The following DMD variants were observed in gnomAD, a reference collection of about 807,000 sequenced individuals.
DMD encodes dystrophin.
Under a neutral mutation model 330.1 loss-of-function variants are expected in DMD, and 63 were observed. The observed-to-expected ratio is 0.19, with a 90% CI of 0.16 to 0.24. The LOEUF (loss-of-function observed/expected upper bound fraction) is 0.24, where lower values mean the gene tolerates loss of function less well. DMD is among the 10% of genes least tolerant of loss of function. The pLI is 1.00. For synonymous variants in DMD, 1,223 were observed against 959.8 expected (o/e 1.27, Z -5.07); for missense variants, 3,344 against 2,684.1 (o/e 1.25, Z -5.43).
intron 42 of DMD, among the ~76,000 whole-genome samples, chrX:32,302,103 T>C (rs1458568930): frequency 1.8e-5 from 2 of 111,448 alleles, no homozygotes; most frequent in African/African-American, 3.2e-5. Flanking sequence ...CCCCGTCTTA[T>C]AATGTTTCTA....
chrX:32,139,978 T>C (rs2096744784), intron 44 of DMD, among the ~76,000 whole-genome samples: 2 of 112,288 alleles, frequency 1.8e-5, no homozygotes, highest in Non-Finnish European at 3.8e-5. Context: ...TTTTAGTCTA[T>C]TTTCTTCACA....
rs529946844 is a variant in DMD, at chrX:32,416,206, A to G, written c.4072-4293T>C. Reference sequence around the variant, plus strand: ...AAAAAATCATTTAATAATATTTTACAAAAAACACATTCATTAAAGGAGCTA... The same window carrying G: ...AAAAAATCATTTAATAATATTTTACGAAAAACACATTCATTAAAGGAGCTA... On this transcript the variant is annotated intron_variant, in intron 29 of 78. Transcript: ENST00000357033. Among the ~76,000 whole-genome samples, 41 of 112,467 alleles carry G rather than the reference A, an allele frequency of 3.6e-4. No individual in the cohort carries two copies. The South Asian group carries it at 0.014, about 39-fold the overall frequency.
At chrX:31,322,747 G>GA (rs2056512440) in intron 62 of DMD, among the ~76,000 whole-genome samples, 1 of 112,034 alleles carries the variant, frequency 8.9e-6, no homozygotes, top group Non-Finnish European at 1.9e-5. Context: ...ATGGCAGGCG[G>GA]AAAAAAATGG....
chrX:32,632,966 G>A, intron 11 of DMD, among the ~76,000 whole-genome samples: 2 of 112,265 alleles, frequency 1.8e-5, no homozygotes. Flanking sequence ...TTGCTCAGAA[G>A]CCTTCTTGAG....
Position 32,252,653 on chromosome X carries a change from C to T in DMD, c.6290+34876G>A, listed in dbSNP as rs138316201. Among the ~76,000 whole-genome samples the T allele has an allele frequency of 4.6e-3, 107 of 23,014 alleles. 6 individuals carry two copies. The East Asian group carries it at 0.2, about 43-fold the overall frequency. The allele number at this position is 23,014 out of a possible 115,157, so 20.0% of individuals were successfully genotyped here. A position where few individuals can be genotyped will look rare whatever the true frequency, so the allele number is the denominator to read the frequency against. On this transcript the variant is annotated intron_variant, in intron 43 of 78. Transcript: ENST00000357033. ...GTGTATATATAAATATATATAAATA[C>T]AAATATATAAATATATATATATAAA...
intron 9 of DMD, among the ~76,000 whole-genome samples, chrX:32,677,272 G>A (rs1229768154): frequency 9.0e-6 from 1 of 111,129 alleles, no homozygotes; most frequent in African/African-American, 3.3e-5. Flanking sequence ...GTAAAAATAT[G>A]CCATGCAATT....
intron 7 of DMD, among the ~76,000 whole-genome samples, chrX:32,749,480 C>G (rs181349265): frequency 5.3e-4 from 60 of 112,356 alleles, no homozygotes; most frequent in African/African-American, 1.9e-3. Context: ...ATATGGTCAA[C>G]ATTCAATTGC....
chrX:32,163,562 G>C (rs1640617816), intron 44 of DMD, among the ~76,000 whole-genome samples: 2 of 112,018 alleles, frequency 1.8e-5, no homozygotes, highest in Non-Finnish European at 3.8e-5. Context: ...GAACTATTCA[G>C]TACCATGTAT....
intron 2 of DMD, among the ~76,000 whole-genome samples, chrX:32,856,438 G>T (rs2081565379): frequency 9.0e-6 from 1 of 111,481 alleles, no homozygotes; most frequent in Non-Finnish European, 1.9e-5. Flanking sequence ...AATGGATAAA[G>T]AAAATGTGGT....
intron 55 of DMD, among the ~76,000 whole-genome samples, chrX:31,626,202 C>CT (rs1038477685): frequency 8.9e-5 from 8 of 89,692 alleles, no homozygotes; most frequent in African/African-American, 3.5e-4. Flanking sequence ...CCAGGCTGGT[C>CT]TCGAACTCCT....
chrX:31,481,735 A>G (rs1349968057), intron 57 of DMD, among the ~76,000 whole-genome samples: 1 of 112,048 alleles, frequency 8.9e-6, no homozygotes, highest in Non-Finnish European at 1.9e-5. Context: ...TCAAACGGTT[A>G]TAGCTCAGGG....
At chrX:31,406,625 G>A (rs2061411303) in intron 60 of DMD, among the ~76,000 whole-genome samples, 2 of 110,908 alleles carry the variant, frequency 1.8e-5, no homozygotes, top group South Asian at 7.7e-4. Flanking sequence ...TTTGAGTTAT[G>A]TCATTTTCAT....
intron 64 of DMD, among the ~76,000 whole-genome samples, chrX:31,217,993 C>G (rs1327570013): frequency 8.9e-6 from 1 of 111,750 alleles, no homozygotes; most frequent in African/African-American, 3.3e-5. Flanking sequence ...ACCTTTATTA[C>G]AAGGTTATCA....
intron 44 of DMD, chrX:32,206,846 A>G (rs1168159626): frequency 3.0e-6 from 1 of 328,551 alleles, no homozygotes; most frequent in Middle Eastern, 9.7e-4. Flanking sequence ...CTTCCCTACC[A>G]TGTTTGATAA....
intron 62 of DMD, among the ~76,000 whole-genome samples, chrX:31,320,068 C>T (rs1279814133): frequency 1.8e-5 from 2 of 111,843 alleles, no homozygotes; most frequent in Non-Finnish European, 3.8e-5. Flanking sequence ...ATCAAATAAC[C>T]TGAAAGAGAT....
At chrX:31,816,828 AAAAG>A (rs1444305423) in intron 50 of DMD, among the ~76,000 whole-genome samples, 2 of 111,187 alleles carry the variant, frequency 1.8e-5, no homozygotes, top group East Asian at 2.8e-4. Flanking sequence ...ACACAAAGAA[AAAAG>A]AAAGAAAGAA....
intron 5 of DMD, among the ~76,000 whole-genome samples, chrX:32,817,767 T>G (rs2077885601): frequency 8.9e-6 from 1 of 112,253 alleles, no homozygotes; most frequent in African/African-American, 3.2e-5. Flanking sequence ...GGTAAATGCA[T>G]ATTTTAACAT....
Position 31,140,757 on chromosome X carries a change from TAACTC to T in DMD, c.10921+5529_10921+5533del, listed in dbSNP as rs764644669. Among the ~76,000 whole-genome samples, 470 of 75,956 alleles carry T rather than the reference TAACTC, an allele frequency of 6.2e-3. 1 individual carries two copies. The highest frequency in any genetic ancestry group is 0.018 in the African/African-American group (430 of 24,002). 66.0% of individuals were successfully genotyped at this position (75,956 alleles called of 115,157 possible). A position where few individuals can be genotyped will look rare whatever the true frequency, so the allele number is the denominator to read the frequency against. On this transcript the variant is annotated intron_variant, in intron 76 of 78. Coordinates refer to ENST00000357033, the MANE Select transcript of DMD (RefSeq NM_004006.3). The stretch of plus-strand genomic sequence containing the variant: ...GTATTATGCTTGATTTCTAAAATAT[TAACTC>T]AACAAGCACTTTACTGATTGTTTGT...
chrX:33,117,820 A>G (rs1337427391), intron 1 of DMD, among the ~76,000 whole-genome samples: 13 of 109,896 alleles, frequency 1.2e-4, no homozygotes, highest in African/African-American at 4.3e-4. Context: ...CTAATCAACT[A>G]TGGAAAGAAA....
Sources: allele counts gnomAD v4.1 joint callset (sites outside exome capture counted in the v4.1 genomes callset), GRCh38; gene constraint gnomAD v4.1.1; transcripts MANE v1.5; gene names NCBI Gene and HGNC (gene_info 2026-07-23, HGNC 2026-07-21).